The following SCFD2 variants were observed in gnomAD, a reference collection of about 807,000 sequenced individuals.
SCFD2 encodes the protein sec1 family domain-containing protein 2.
A neutral mutation model predicts 58.9 loss-of-function variants in SCFD2; 54 were observed. The observed-to-expected ratio is 0.92, with a 90% confidence interval of 0.74 to 1.15. SCFD2 has a LOEUF of 1.15. Ranked by LOEUF, SCFD2 falls within the 50% of genes most tolerant of loss-of-function variation. The pLI is 0.00. For missense variants in SCFD2, 805 were observed against 836.6 expected (o/e 0.96, Z 0.47); for synonymous variants, 321 against 335.9 (o/e 0.96, Z 0.49).
At chr4:52,895,222 C>T (rs1284006559) in intron 7 of SCFD2, among the ~76,000 whole-genome samples, 2 of 151,910 alleles carry the variant, frequency 1.3e-5, no homozygotes, top group Admixed American at 1.3e-4. Context: ...GCACAACGTA[C>T]AGGTTTGTTA....
At chr4:52,923,692 T>C (rs183640968) in intron 5 of SCFD2, among the ~76,000 whole-genome samples, 29 of 152,070 alleles carry the variant, frequency 1.9e-4, no homozygotes, top group Admixed American at 1.2e-3. Context: ...ATGTGTAGTT[T>C]TATGGGGAGC....
At chr4:53,092,576 T>C (rs1724505314) in intron 5 of SCFD2, among the ~76,000 whole-genome samples, 1 of 152,054 alleles carries the variant, frequency 6.6e-6, no homozygotes, top group African/African-American at 2.4e-5. Context: ...TTAAACAAAC[T>C]GTGCTACATA....
intron 3 of SCFD2, among the ~76,000 whole-genome samples, chr4:53,291,175 C>T (rs138494154): frequency 4.6e-5 from 7 of 152,158 alleles, no homozygotes; most frequent in Non-Finnish European, 8.8e-5. Context: ...ATTTCTGATG[C>T]ACATTGATGT....
chr4:53,234,581 C>T (rs1435205043), intron 4 of SCFD2, among the ~76,000 whole-genome samples: 1 of 152,110 alleles, frequency 6.6e-6, no homozygotes, highest in Non-Finnish European at 1.5e-5. Flanking sequence ...TGTTCTTTAT[C>T]TGGGACTTTT....
chr4:53,129,548 G>A (rs114855412), intron 5 of SCFD2, among the ~76,000 whole-genome samples: 1 of 152,274 alleles, frequency 6.6e-6, no homozygotes, highest in Non-Finnish European at 1.5e-5. Context: ...AAAGCCTAGA[G>A]CCTGTTGCAT....
chr4:53,096,288 G>A lies in SCFD2; in HGVS notation c.1561+49045C>T, dbSNP rs183564419. On this transcript the variant is annotated intron_variant, in intron 5 of 8. Coordinates refer to ENST00000401642, the MANE Select transcript of SCFD2 (RefSeq NM_152540.4). ...TCTAGTTCTAGATCCTTGAGGAATC[G>A]CCATGCTGTCTTCCACAATGGTTGA... Among the ~76,000 whole-genome samples, 665 of 152,242 alleles carry A rather than the reference G, an allele frequency of 4.4e-3. 4 individuals carry two copies. Among genetic ancestry groups the A allele is most frequent in the African/African-American group, 0.015 (611 of 41,538 alleles).
At chr4:53,076,061 A>G (rs544298512) in intron 5 of SCFD2, among the ~76,000 whole-genome samples, 2 of 152,278 alleles carry the variant, frequency 1.3e-5, no homozygotes, top group South Asian at 2.1e-4. Context: ...GCCCCAAAAA[A>G]GTAGTTTTAT....
At chr4:53,016,520 C>T (rs1286087939) in intron 5 of SCFD2, among the ~76,000 whole-genome samples, 1 of 152,152 alleles carries the variant, frequency 6.6e-6, no homozygotes, top group Non-Finnish European at 1.5e-5. Flanking sequence ...TCTTCAAAAT[C>T]TTTATGCAGA....
chr4:53,350,167 C>G (rs1050649498), intron 2 of SCFD2, among the ~76,000 whole-genome samples: 1 of 152,166 alleles, frequency 6.6e-6, no homozygotes, highest in East Asian at 1.9e-4. Context: ...TCTGTTCCCC[C>G]ATCTTCTGAT....
intron 3 of SCFD2, among the ~76,000 whole-genome samples, chr4:53,306,434 G>C (rs1732516869): frequency 1.3e-5 from 2 of 152,138 alleles, no homozygotes; most frequent in Non-Finnish European, 2.9e-5. Context: ...AGATGCTAGA[G>C]AGACATCAAA....
At chr4:53,043,918 G>A (rs1722960086) in intron 5 of SCFD2, among the ~76,000 whole-genome samples, 1 of 151,986 alleles carries the variant, frequency 6.6e-6, no homozygotes, top group Non-Finnish European at 1.5e-5. Flanking sequence ...TTTGCTTCCT[G>A]TGTTTCAATA....
At chr4:53,110,057 G>GAACAGAACAGAACAC (rs1162822873) in intron 5 of SCFD2, among the ~76,000 whole-genome samples, 2 of 151,770 alleles carry the variant, frequency 1.3e-5, no homozygotes, top group Non-Finnish European at 2.9e-5. Context: ...GAACAGAACA[G>GAACAGAACAGAACAC]AACAGAACAG....
At chr4:53,185,701 G>A (rs1481233206) in intron 4 of SCFD2, among the ~76,000 whole-genome samples, 1 of 152,068 alleles carries the variant, frequency 6.6e-6, no homozygotes, top group South Asian at 2.1e-4. Flanking sequence ...ACTGTTTGAA[G>A]ATATTTAAAT....
rs145923030 is a variant in SCFD2, at chr4:53,089,136, T to C, written c.1561+56197A>G. ...TCTCCAGAACTGTGAGAAATAAATC[T>C]GTTACTACAAGCTACCTAGTCTATG... On this transcript the variant is annotated intron_variant, in intron 5 of 8. Coordinates refer to ENST00000401642, the MANE Select transcript of SCFD2 (RefSeq NM_152540.4). 3.1e-3 allele frequency among the ~76,000 whole-genome samples: 474 copies of C among 152,308 alleles called. 1 individual carries two copies. The highest frequency in any genetic ancestry group is 0.011 in the African/African-American group (440 of 41,572).
At chr4:53,073,067 T>C (rs1310139050) in intron 5 of SCFD2, among the ~76,000 whole-genome samples, 1 of 152,072 alleles carries the variant, frequency 6.6e-6, no homozygotes, top group Non-Finnish European at 1.5e-5. Context: ...ATAGTGTCTG[T>C]ACTGAACATG....
chr4:53,152,156 C>T (rs1726529021), intron 4 of SCFD2, among the ~76,000 whole-genome samples: 1 of 152,106 alleles, frequency 6.6e-6, no homozygotes, highest in South Asian at 2.1e-4. Flanking sequence ...ATTAACAAGG[C>T]AGTAAAAGGT....
chr4:53,244,909 A>G (rs1730019019), intron 4 of SCFD2, among the ~76,000 whole-genome samples: 1 of 151,998 alleles, frequency 6.6e-6, no homozygotes, highest in African/African-American at 2.4e-5. Flanking sequence ...ACACAATTAG[A>G]AAGAACAAAG....
At chr4:52,952,705 T>G (rs1016052966) in intron 5 of SCFD2, among the ~76,000 whole-genome samples, 3 of 152,200 alleles carry the variant, frequency 2.0e-5, no homozygotes, top group Non-Finnish European at 4.4e-5. Flanking sequence ...ATCTCATGAT[T>G]TAGTGTGGAA....
intron 4 of SCFD2, among the ~76,000 whole-genome samples, chr4:53,241,086 C>G (rs1463221673): frequency 6.6e-6 from 1 of 152,336 alleles, no homozygotes; most frequent in South Asian, 2.1e-4. Flanking sequence ...TAGCCCCCAA[C>G]AACTCCTGCA....
Sources: allele counts gnomAD v4.1 joint callset (sites outside exome capture counted in the v4.1 genomes callset), GRCh38; gene constraint gnomAD v4.1.1; transcripts MANE v1.5; gene names NCBI Gene and HGNC (gene_info 2026-07-23, HGNC 2026-07-21).